The following SMURF2 variants were observed in gnomAD, a reference collection of about 807,000 sequenced individuals.
The protein encoded by SMURF2 is SMAD specific E3 ubiquitin protein ligase 2, also known as E3 ubiquitin-protein ligase SMURF2.
In SMURF2, 48 loss-of-function variants were observed where a neutral mutation model predicts 109.6. That is an observed-to-expected ratio of 0.44 (90% CI 0.35 to 0.56). The LOEUF is 0.56. Among genes scored for constraint, SMURF2 ranks in the 20% least tolerant of loss-of-function variants. The pLI is 0.01. For synonymous variants in SMURF2, 288 were observed against 317.1 expected (o/e 0.91, Z 0.97); for missense variants, 575 against 909.0 (o/e 0.63, Z 4.72).
chr17:64,586,474 C>T (rs556013832), intron 5 of SMURF2, among the ~76,000 whole-genome samples: 14 of 152,222 alleles, frequency 9.2e-5, no homozygotes, highest in South Asian at 4.1e-4. Context: ...CATAGCTGGG[C>T]GCGGTGGCTC....
At chr17:64,653,251 T>G (rs1970662293) in intron 1 of SMURF2, among the ~76,000 whole-genome samples, 1 of 152,156 alleles carries the variant, frequency 6.6e-6, no homozygotes, top group Admixed American at 6.6e-5. Context: ...GATTTGGATA[T>G]TCACCAAAGA....
chr17:64,636,411 T>C (rs782502264), intron 1 of SMURF2, among the ~76,000 whole-genome samples: 12 of 152,096 alleles, frequency 7.9e-5, no homozygotes, highest in Non-Finnish European at 1.5e-4. Context: ...AAGACCAGCC[T>C]GGCCAACATG....
At chr17:64,592,705 C>T (rs1476166220) in intron 4 of SMURF2, among the ~76,000 whole-genome samples, 1 of 151,950 alleles carries the variant, frequency 6.6e-6, no homozygotes. Flanking sequence ...ACAAAAAAAA[C>T]CTGTTGAAAA....
intron 1 of SMURF2, among the ~76,000 whole-genome samples, chr17:64,653,570 C>T (rs1458954530): frequency 6.6e-6 from 1 of 152,096 alleles, no homozygotes; most frequent in Non-Finnish European, 1.5e-5. Flanking sequence ...CCTCCATCAG[C>T]TTCTCAGGTA....
chr17:64,554,669 T>G (rs1969094193), intron 15 of SMURF2, among the ~76,000 whole-genome samples, 187 bp downstream of exon 15: 1 of 152,154 alleles, frequency 6.6e-6, no homozygotes. Context: ...CATGTTGTTC[T>G]TTTGCCCAAT....
chr17:64,607,369 C>A (rs7225262), intron 1 of SMURF2, among the ~76,000 whole-genome samples: 1 of 151,934 alleles, frequency 6.6e-6, no homozygotes, highest in East Asian at 1.9e-4. Flanking sequence ...GGCTCACACC[C>A]GTAATCCCAG....
intron 2 of SMURF2, 21 bp downstream of exon 2, chr17:64,606,581 A>T (rs1332611234): frequency 2.0e-6 from 3 of 1,505,250 alleles, no homozygotes; most frequent in Non-Finnish European, 1.8e-6. Context: ...AATACACAAG[A>T]TTTAAAGTTA....
At position 64,637,955 on chromosome 17, in the gene SMURF2, C is replaced by T. The variant is rs1555692234; in HGVS notation, c.52+23874G>A. ...AAAAAAAAAAAAAATCAACTGACCA[C>T]AAATGTATAATTTTCTTTCTGGACT... is the stretch of plus-strand genomic sequence containing the variant. On this transcript the variant is annotated intron_variant, in intron 1 of 18. Transcript: ENST00000262435. Among the ~76,000 whole-genome samples the T allele has an allele frequency of 2.9e-5, 4 of 136,826 alleles. No homozygotes were observed. In the South Asian group the frequency reaches 6.9e-4, roughly 24 times the overall value. 89.8% of individuals were successfully genotyped at this position (136,826 alleles called of 152,430 possible).
At chr17:64,614,862 C>A (rs538595307) in intron 1 of SMURF2, among the ~76,000 whole-genome samples, 1 of 152,184 alleles carries the variant, frequency 6.6e-6, no homozygotes, top group Non-Finnish European at 1.5e-5. Flanking sequence ...AATTCAAATA[C>A]CATGTCATAA....
chr17:64,604,023 T>G (rs1969935486), intron 2 of SMURF2, among the ~76,000 whole-genome samples: 1 of 152,316 alleles, frequency 6.6e-6, no homozygotes, highest in Admixed American at 6.5e-5. Context: ...ACTGCACTGA[T>G]CAATAAACAC....
intron 2 of SMURF2, among the ~76,000 whole-genome samples, chr17:64,602,423 C>T (rs1555688663): frequency 6.6e-6 from 1 of 152,098 alleles, no homozygotes; most frequent in African/African-American, 2.4e-5. Flanking sequence ...TTTTATGTTC[C>T]CTTTCTGTTA....
At chr17:64,643,434 C>T (rs1228890937) in intron 1 of SMURF2, among the ~76,000 whole-genome samples, 1 of 152,164 alleles carries the variant, frequency 6.6e-6, no homozygotes, top group East Asian at 1.9e-4. Flanking sequence ...TCCTCCAGAT[C>T]TATTCTCCAT....
At chr17:64,565,470 T>C (rs935261552) in intron 10 of SMURF2, among the ~76,000 whole-genome samples, 7 of 152,180 alleles carry the variant, frequency 4.6e-5, no homozygotes, top group Admixed American at 6.5e-5. Flanking sequence ...AAGACTCAAA[T>C]TGTAATCCCC....
intron 1 of SMURF2, among the ~76,000 whole-genome samples, chr17:64,639,568 C>T (rs1334100169): frequency 6.6e-6 from 1 of 151,700 alleles, no homozygotes; most frequent in African/African-American, 2.4e-5. Flanking sequence ...CAGAGCGAGA[C>T]TCTGACTCAA....
At chr17:64,652,133 G>T (rs1485353003) in intron 1 of SMURF2, among the ~76,000 whole-genome samples, 8 of 152,072 alleles carry the variant, frequency 5.3e-5, no homozygotes, top group Non-Finnish European at 1.0e-4. Flanking sequence ...AGATGAAAAA[G>T]ACTAATAATT....
chr17:64,593,689 AT>A, intron 3 of SMURF2, 116 bp from the exon 4 acceptor site: 1 of 772,992 alleles, frequency 1.3e-6, no homozygotes, highest in African/African-American at 1.7e-5. Flanking sequence ...ATCTGGCTAG[AT>A]TATGCAAAAT....
intron 1 of SMURF2, among the ~76,000 whole-genome samples, chr17:64,623,945 T>C (rs1174266013): frequency 6.6e-6 from 1 of 152,246 alleles, no homozygotes; most frequent in African/African-American, 2.4e-5. Context: ...TATTTGATAA[T>C]GTGAAGACAT....
At chr17:64,576,873 CTTTTTTTTTTT>C (rs782057854) in intron 9 of SMURF2, among the ~76,000 whole-genome samples, 1 of 81,484 alleles carries the variant, frequency 1.2e-5, no homozygotes, top group Non-Finnish European at 2.3e-5. Context: ...TTTTTCTATC[CTTTTTTTTTTT>C]TTTTTTTTTT....
chr17:64,629,010 T>C (rs886160900), intron 1 of SMURF2, among the ~76,000 whole-genome samples: 3 of 152,162 alleles, frequency 2.0e-5, no homozygotes, highest in Non-Finnish European at 4.4e-5. Context: ...GCTGTTGTTT[T>C]TAAACTCCAG....
Sources: allele counts gnomAD v4.1 joint callset (sites outside exome capture counted in the v4.1 genomes callset), GRCh38; gene constraint gnomAD v4.1.1; transcripts MANE v1.5; gene names NCBI Gene and HGNC (gene_info 2026-07-23, HGNC 2026-07-21).